Variants in PCDHGA3 observed in about 807,000 individuals in gnomAD.
PCDHGA3 encodes protocadherin gamma subfamily A, 3.
PCDHGA3 carries 40 observed loss-of-function variants against 58.5 expected under a neutral mutation model. The observed-to-expected ratio is 0.68, with a 90% CI of 0.53 to 0.89. The LOEUF is 0.89. PCDHGA3 is among the 40% of genes least tolerant of loss of function. PCDHGA3 has a pLI of 0.00. For synonymous variants in PCDHGA3, 530 were observed against 525.7 expected, an observed-to-expected ratio of 1.01 and a Z score of -0.11; for missense variants, 1,223 against 1,195.9, an observed-to-expected ratio of 1.02 and a Z score of -0.33.
chr5:141,489,459 C>T lies in PCDHGA3; in HGVS notation c.2425-5348C>T. The T allele has an allele frequency of 6.2e-7, 1 of 1,614,086 alleles. No homozygotes were observed. The highest frequency in any genetic ancestry group is 8.5e-7 in the Non-Finnish European group (1 of 1,180,012). On this transcript the variant is annotated intron_variant, in intron 1 of 3. Coordinates refer to ENST00000253812, the MANE Select transcript of PCDHGA3 (RefSeq NM_018916.4). The surrounding 1 kb of genome is among the most constrained non-coding windows in gnomAD (Gnocchi z 4.5). The stretch of plus-strand genomic sequence containing the variant: ...AATTGGGCTCTGAGGAGAATGGGCG[C>T]TATTTTTCCCTGAGCTTGATGAGTG...
chr5:141,390,340 A>T (rs762864171), intron 1 of PCDHGA3: 2 of 1,586,842 alleles, frequency 1.3e-6, no homozygotes, highest in South Asian at 2.3e-5. Context: ...CCATATTCAC[A>T]AGAAAATATA....
At chr5:141,347,173 T>TTCTTTCTTTCTTTCTA (rs1161727751) in intron 1 of PCDHGA3, among the ~76,000 whole-genome samples, 2 of 148,634 alleles carry the variant, frequency 1.3e-5, no homozygotes, top group Non-Finnish European at 3.0e-5. Context: ...CTTTCTTTCT[T>TTCTTTCTTTCTTTCTA]TCTTTCTTGA....
chr5:141,400,565 A>C (rs766459739), intron 1 of PCDHGA3: 1 of 1,612,948 alleles, frequency 6.2e-7, no homozygotes, highest in South Asian at 1.1e-5. Flanking sequence ...TTACCCACCC[A>C]ATTTTCTGTA....
At chr5:141,404,807 G>A (rs1226563047) in intron 1 of PCDHGA3, 1 of 1,613,924 alleles carries the variant, frequency 6.2e-7, no homozygotes, top group Non-Finnish European at 8.5e-7. Flanking sequence ...GCTCTTCTCG[G>A]TGGGGCTGCA....
intron 1 of PCDHGA3, chr5:141,405,588 G>T: frequency 1.7e-6 from 1 of 584,820 alleles, no homozygotes; most frequent in Non-Finnish European, 3.0e-6. Flanking sequence ...GGGACTACAG[G>T]CCTCCCAAGT....
intron 1 of PCDHGA3, chr5:141,428,481 C>T (rs2097141995): frequency 3.0e-6 from 1 of 331,008 alleles, no homozygotes; most frequent in Non-Finnish European, 5.8e-6. Flanking sequence ...TGCTTTATTC[C>T]TGCAATCTGT....
intron 1 of PCDHGA3, among the ~76,000 whole-genome samples, chr5:141,446,323 A>G (rs1372501599): frequency 6.6e-6 from 1 of 152,216 alleles, no homozygotes. Flanking sequence ...GGGTTTCCAC[A>G]TTAAGGAACT....
In PCDHGA3 at chr5:141,345,242, CTTAG is replaced by C; in HGVS notation, c.1211_1214del (p.Leu404Ter). 1 of 1,613,948 alleles carries C rather than the reference CTTAG, an allele frequency of 6.2e-7. No individual in the cohort carries two copies. The stretch of plus-strand genomic sequence containing the variant: ...AAAAATCAATAGATCAATATTACCG[CTTAG>C]TGACGGCCACATCCCTGGACCGCGA... On this transcript the variant is annotated frameshift_variant, in exon 1 of 4. Transcript: ENST00000253812. LOFTEE classifies it high-confidence loss of function.
intron 1 of PCDHGA3, chr5:141,385,874 A>G (rs1465622834): frequency 6.5e-6 from 1 of 153,030 alleles, no homozygotes; most frequent in Non-Finnish European, 1.5e-5. Context: ...GGTTGGATTT[A>G]TGCCTAAAGA....
At chr5:141,376,467 A>C in intron 1 of PCDHGA3, 3 of 1,614,180 alleles carry the variant, frequency 1.9e-6, no homozygotes, top group Non-Finnish European at 2.5e-6. Flanking sequence ...CTGATAACTC[A>C]GGATTTACTT....
intron 1 of PCDHGA3, among the ~76,000 whole-genome samples, chr5:141,438,579 CATACATACATACAT>C (rs1434774868): frequency 9.0e-5 from 5 of 55,782 alleles, no homozygotes; most frequent in Admixed American, 2.8e-4. Context: ...GATATACATA[CATACATACATACAT>C]ATATATATAT....
At chr5:141,444,876 G>A (rs921183358) in intron 1 of PCDHGA3, among the ~76,000 whole-genome samples, 1 of 152,186 alleles carries the variant, frequency 6.6e-6, no homozygotes, top group African/African-American at 2.4e-5. Flanking sequence ...GACAAAGCTT[G>A]TAGGATTTTT....
At chr5:141,374,703 T>C in intron 1 of PCDHGA3, 1 of 1,609,272 alleles carries the variant, frequency 6.2e-7, no homozygotes, top group Non-Finnish European at 8.5e-7. Flanking sequence ...GGAGAAGCCG[T>C]TTACCGCCTG....
intron 1 of PCDHGA3, among the ~76,000 whole-genome samples, chr5:141,381,932 C>A (rs1205042648): frequency 2.1e-5 from 3 of 144,772 alleles, no homozygotes; most frequent in Non-Finnish European, 4.5e-5. Flanking sequence ...CGGGTTCAAG[C>A]GATTTTCCTG....
intron 1 of PCDHGA3, chr5:141,389,923 C>T: frequency 6.2e-7 from 1 of 1,614,076 alleles, no homozygotes; most frequent in Non-Finnish European, 8.5e-7. Context: ...CCCGACCCCT[C>T]TGACCTCCAG....
intron 1 of PCDHGA3, chr5:141,383,239 A>G: frequency 6.2e-7 from 1 of 1,613,966 alleles, no homozygotes; most frequent in Non-Finnish European, 8.5e-7. Flanking sequence ...GGAAGATAAA[A>G]TGAATCTTTA....
rs764056952 is a variant in PCDHGA3 at position 141,405,326 on chromosome 5, T to G, written c.2424+58869T>G. On this transcript the variant is annotated intron_variant, in intron 1 of 3. Transcript: ENST00000253812. ...GAGCTGTGAGAAAAATGAGCCTTTG[T>G]GCGTCTCTGTTGATTCCAAGTTTCC... The G allele has an allele frequency of 2.5e-6, 4 of 1,614,220 alleles. No individual in the cohort carries two copies. Among genetic ancestry groups the G allele is most frequent in the Admixed American group, 3.3e-5 (2 of 60,026 alleles).
rs2099417434 is a variant in PCDHGA3, at chr5:141,477,762, C to T, written c.2425-17045C>T. 1 of 1,613,968 alleles carries T rather than the reference C, an allele frequency of 6.2e-7. No homozygotes were observed. The highest frequency in any genetic ancestry group is 8.5e-7 in the Non-Finnish European group (1 of 1,180,032). On this transcript the variant is annotated intron_variant, in intron 1 of 3. Transcript: ENST00000253812. This position sits in a 1 kb window ranked among gnomAD's most constrained non-coding sequence, Gnocchi z 4.9. ...GATGGGGGCACCCCGGTCCTAGCCA[C>T]CAACATCAGCGTGAACATATTTGTC...
chr5:141,431,582 G>A lies in PCDHGA3; in HGVS notation c.2425-63225G>A. On this transcript the variant is annotated intron_variant, in intron 1 of 3. Coordinates refer to ENST00000253812, the MANE Select transcript of PCDHGA3 (RefSeq NM_018916.4). The surrounding 1 kb of genome is among the most constrained non-coding windows in gnomAD (Gnocchi z 4.8). Reference sequence around the variant, plus strand: ...TACCGACCCTGACGAAGGAGTCAATGCGGAAGTGAGGTATTCCTTCCGGTA... The same window carrying A: ...TACCGACCCTGACGAAGGAGTCAATACGGAAGTGAGGTATTCCTTCCGGTA... The A allele has an allele frequency of 6.2e-7, 1 of 1,614,210 alleles. No homozygotes were observed. Among genetic ancestry groups the A allele is most frequent in the Non-Finnish European group, 8.5e-7 (1 of 1,180,036 alleles).
Sources: allele counts gnomAD v4.1 joint callset (sites outside exome capture counted in the v4.1 genomes callset), GRCh38; gene constraint gnomAD v4.1.1; non-coding constraint Gnocchi (gnomAD v3.1); transcripts MANE v1.5; gene names NCBI Gene and HGNC (gene_info 2026-07-23, HGNC 2026-07-21).